The following CYTH3 variants were observed in gnomAD, a reference collection of about 807,000 sequenced individuals.
CYTH3 encodes the protein cytohesin 3.
In CYTH3, 23 loss-of-function variants were observed where a neutral mutation model predicts 55.1. The observed-to-expected ratio is 0.42, with a 90% CI of 0.30 to 0.59. The LOEUF (loss-of-function observed/expected upper bound fraction) is 0.59, where lower values mean the gene tolerates loss of function less well. Among genes scored for constraint, CYTH3 ranks in the 20% least tolerant of loss-of-function variants. CYTH3 has a pLI of 0.20. For missense variants in CYTH3, 413 were observed against 524.8 expected, an observed-to-expected ratio of 0.79 and a Z score of 2.08; for synonymous variants, 249 against 194.9, an observed-to-expected ratio of 1.28 and a Z score of -2.31.
chr7:6,164,827 A>G lies in CYTH3; in HGVS notation c.*117T>C. 2 of 1,150,094 alleles carry G rather than the reference A, an allele frequency of 1.7e-6. No individual in the cohort carries two copies. The highest frequency in any genetic ancestry group is 4.7e-5 in the East Asian group (2 of 42,748). The allele number at this position is 1,150,094 out of a possible 1,614,324, so 71.2% of individuals were successfully genotyped here. A position where few individuals can be genotyped will look rare whatever the true frequency, so the allele number is the denominator to read the frequency against. ...CCACCTGGGCCACGGTATGCTCTGG[A>G]GCAGCAGCTTGCACCGCAGGGCGAC... On this transcript the variant is annotated 3_prime_UTR_variant, in exon 13 of 13. Coordinates refer to ENST00000350796, the MANE Select transcript of CYTH3 (RefSeq NM_004227.4).
rs1348466874 is a variant in CYTH3, at chr7:6,170,793, C to T, written c.711+37G>A. On this transcript the variant is annotated intron_variant, in intron 8 of 12. Coordinates refer to ENST00000350796, the MANE Select transcript of CYTH3 (RefSeq NM_004227.4). The surrounding 1 kb of genome is among the most constrained non-coding windows in gnomAD (Gnocchi z 7.8). ...CTGCGGCCGCTCACAGCGAAGAGAT[C>T]CTGCAGACGGCAGCGGCCGCGGGCC... is the stretch of plus-strand genomic sequence containing the variant. The T allele has an allele frequency of 5.0e-6, 8 of 1,595,118 alleles. No homozygotes were observed. Among genetic ancestry groups the T allele is most frequent in the Non-Finnish European group, 3.4e-6 (4 of 1,170,856 alleles).
intron 4 of CYTH3, 71 bp downstream of exon 4, chr7:6,186,979 A>G (rs1783671245): frequency 6.6e-7 from 1 of 1,512,486 alleles, no homozygotes; most frequent in African/African-American, 1.4e-5. Context: ...ACCTCTGTCC[A>G]AAAGGGAAAC....
chr7:6,257,592 C>T (rs1345493541), intron 1 of CYTH3, among the ~76,000 whole-genome samples: 1 of 152,124 alleles, frequency 6.6e-6, no homozygotes, highest in Non-Finnish European at 1.5e-5. Flanking sequence ...AAGTGTTAGT[C>T]TCAAAAAGAA....
chr7:6,247,934 T>C (rs1224381854), intron 1 of CYTH3, among the ~76,000 whole-genome samples: 1 of 152,012 alleles, frequency 6.6e-6, no homozygotes, highest in Non-Finnish European at 1.5e-5. Context: ...CCCAAAGCGC[T>C]GGGAATACAG....
chr7:6,265,618 C>CAA (rs111748997), intron 1 of CYTH3, among the ~76,000 whole-genome samples: 5,280 of 109,778 alleles, frequency 0.048, 387 homozygotes, highest in African/African-American at 0.18. Flanking sequence ...GACTCCATTT[C>CAA]AAAAAAAAAA....
intron 1 of CYTH3, among the ~76,000 whole-genome samples, chr7:6,244,074 T>C (rs1458025288): frequency 6.6e-6 from 1 of 152,250 alleles, no homozygotes; most frequent in Admixed American, 6.5e-5. Flanking sequence ...TAAGTAAGCC[T>C]GTGTTGAAGT....
intron 4 of CYTH3, among the ~76,000 whole-genome samples, chr7:6,182,159 T>G (rs996089617): frequency 6.6e-6 from 1 of 152,158 alleles, no homozygotes; most frequent in Non-Finnish European, 1.5e-5. Flanking sequence ...GTGATTCTCC[T>G]GCCTCAGCCT....
At chr7:6,230,513 C>T (rs1011341434) in intron 1 of CYTH3, among the ~76,000 whole-genome samples, 4 of 152,184 alleles carry the variant, frequency 2.6e-5, no homozygotes, top group African/African-American at 7.2e-5. Context: ...ACTTAAAATT[C>T]TGTGTCTTAG....
At chr7:6,245,689 G>A (rs2115041472) in intron 1 of CYTH3, among the ~76,000 whole-genome samples, 1 of 152,336 alleles carries the variant, frequency 6.6e-6, no homozygotes, top group East Asian at 1.9e-4. Flanking sequence ...CGGATCACCT[G>A]AGATCAGGAC....
At position 6,164,843 on chromosome 7, in the gene CYTH3, G is replaced by A. The variant is rs1048121657; in HGVS notation, c.*101C>T. 63 of 1,313,158 alleles carry A rather than the reference G, an allele frequency of 4.8e-5. No individual in the cohort carries two copies. The highest frequency in any genetic ancestry group is 3.7e-4 in the South Asian group (30 of 81,488). The allele number at this position is 1,313,158 out of a possible 1,614,324, so 81.3% of individuals were successfully genotyped here. Reference sequence around the variant, plus strand: ...ATGCTCTGGAGCAGCAGCTTGCACCGCAGGGCGACTGCCTCCCTGCCACGC... The same window carrying A: ...ATGCTCTGGAGCAGCAGCTTGCACCACAGGGCGACTGCCTCCCTGCCACGC... On this transcript the variant is annotated 3_prime_UTR_variant, in exon 13 of 13. Coordinates refer to ENST00000350796, the MANE Select transcript of CYTH3 (RefSeq NM_004227.4).
At chr7:6,249,714 T>C (rs889860764) in intron 1 of CYTH3, among the ~76,000 whole-genome samples, 3 of 152,190 alleles carry the variant, frequency 2.0e-5, no homozygotes, top group Admixed American at 1.3e-4. Flanking sequence ...GGCTCTTTTT[T>C]CCCCACCTAC....
At chr7:6,217,820 C>G (rs1325467611) in intron 1 of CYTH3, among the ~76,000 whole-genome samples, 2 of 151,990 alleles carry the variant, frequency 1.3e-5, no homozygotes, top group Non-Finnish European at 2.9e-5. Flanking sequence ...ATCTCTAGAA[C>G]TTGTGAATGT....
intron 2 of CYTH3, among the ~76,000 whole-genome samples, 169 bp downstream of exon 2, chr7:6,190,280 T>C (rs1431040526): frequency 6.6e-6 from 1 of 151,942 alleles, no homozygotes; most frequent in Non-Finnish European, 1.5e-5. Context: ...TTTCACTCTG[T>C]CTCTTTGTGT....
At chr7:6,181,105 TTATC>T (rs1783493154) in intron 4 of CYTH3, among the ~76,000 whole-genome samples, 1 of 152,352 alleles carries the variant, frequency 6.6e-6, no homozygotes, top group East Asian at 1.9e-4. Flanking sequence ...AAACTTATTT[TTATC>T]TATCAACATC....
At chr7:6,178,970 A>G (rs1434292637) in intron 4 of CYTH3, among the ~76,000 whole-genome samples, 1 of 152,190 alleles carries the variant, frequency 6.6e-6, no homozygotes, top group Non-Finnish European at 1.5e-5. Flanking sequence ...TCAGAAATCA[A>G]TTTGCCAGGA....
chr7:6,247,769 T>C (rs1779858910), intron 1 of CYTH3, among the ~76,000 whole-genome samples: 1 of 152,108 alleles, frequency 6.6e-6, no homozygotes. Flanking sequence ...CCTTAGCCTC[T>C]GAGTAGCTGG....
intron 1 of CYTH3, among the ~76,000 whole-genome samples, chr7:6,258,384 G>A (rs913601501): frequency 7.2e-5 from 11 of 151,928 alleles, no homozygotes; most frequent in African/African-American, 2.7e-4. Flanking sequence ...ACTTCTTGCA[G>A]ACATCCCCCT....
chr7:6,216,510 G>A (rs1274020131), intron 1 of CYTH3, among the ~76,000 whole-genome samples: 3 of 151,940 alleles, frequency 2.0e-5, no homozygotes, highest in Admixed American at 2.0e-4. Flanking sequence ...AGGCTGAGGT[G>A]GGTGGATTAC....
At chr7:6,176,414 A>G (rs1783352854) in intron 5 of CYTH3, among the ~76,000 whole-genome samples, 1 of 151,332 alleles carries the variant, frequency 6.6e-6, no homozygotes, top group African/African-American at 2.4e-5. Flanking sequence ...GGCGCCCACC[A>G]CCACACCCAG....
Sources: gnomAD v4.1 joint callset for allele counts (sites outside exome capture counted in the v4.1 genomes callset) on GRCh38, gnomAD v4.1.1 for gene constraint, Gnocchi (gnomAD v3.1) non-coding constraint, MANE v1.5 for transcripts, NCBI Gene and HGNC (gene_info 2026-07-23, HGNC 2026-07-21) for gene names.